ACACA: variants seen among roughly 807,000 people sequenced by gnomAD.
The protein encoded by ACACA is acetyl-CoA carboxylase alpha.
In ACACA, 103 loss-of-function variants were observed where a neutral mutation model predicts 296.1. The observed-to-expected ratio is 0.35, with a 90% CI of 0.30 to 0.41. ACACA has a LOEUF of 0.41. ACACA is among the 10% of genes least tolerant of loss of function. The pLI, the probability that ACACA is intolerant of heterozygous loss-of-function variation, is 1.00. For synonymous variants in ACACA, 953 were observed against 1,038.6 expected, an observed-to-expected ratio of 0.92 and a Z score of 1.58; for missense variants, 1,554 against 2,989.7, an observed-to-expected ratio of 0.52 and a Z score of 11.20.
chr17:37,389,359 G>A (rs1464606236), intron 1 of ACACA: 7 of 1,577,714 alleles, frequency 4.4e-6, no homozygotes, highest in Non-Finnish European at 5.2e-6. Context: ...CTCAGCCCCA[G>A]AAGGAAAGTG....
intron 1 of ACACA, chr17:37,379,104 C>T (rs370893365): frequency 6.3e-7 from 1 of 1,588,112 alleles, no homozygotes; most frequent in South Asian, 1.1e-5. Flanking sequence ...ACAAAACCAG[C>T]TCCATTTTTC....
At chr17:37,252,843 A>G (rs975550345) in intron 15 of ACACA, 43 bp downstream of exon 15, 7 of 1,611,760 alleles carry the variant, frequency 4.3e-6, no homozygotes, top group Admixed American at 3.3e-5. Context: ...ACACAAGTCT[A>G]TAAAAACCCA....
At chr17:37,265,613 T>C (rs544520912) in intron 10 of ACACA, among the ~76,000 whole-genome samples, 1 of 152,126 alleles carries the variant, frequency 6.6e-6, no homozygotes, top group Non-Finnish European at 1.5e-5. Context: ...GAGGAGGAAA[T>C]AGGAGGTACA....
intron 39 of ACACA, among the ~76,000 whole-genome samples, chr17:37,187,009 T>C (rs146380667): frequency 1.3e-5 from 2 of 152,346 alleles, no homozygotes; most frequent in South Asian, 2.1e-4. Flanking sequence ...CTTGAAGCTA[T>C]TGTAGAAGTT....
At chr17:37,325,579 C>CTTTTTT (rs1156553256) in intron 3 of ACACA, among the ~76,000 whole-genome samples, 806 of 67,954 alleles carry the variant, frequency 0.012, 35 homozygotes, top group African/African-American at 0.023. Context: ...TCTTTTCTTT[C>CTTTTTT]TTTTTTTTTT....
At chr17:37,118,151 T>C (rs1358641553) in intron 50 of ACACA, among the ~76,000 whole-genome samples, 2 of 152,192 alleles carry the variant, frequency 1.3e-5, no homozygotes, top group Non-Finnish European at 2.9e-5. Flanking sequence ...CCCTAAGTCT[T>C]ATTTGTCTTA....
At position 37,207,313 on chromosome 17, in the gene ACACA, G is replaced by A. The variant is rs565287862; in HGVS notation, c.3851+344C>T. Among the ~76,000 whole-genome samples, 8 of 152,262 alleles carry A rather than the reference G, an allele frequency of 5.3e-5. No individual in the cohort carries two copies. The South Asian group carries it at 1.7e-3, about 32-fold the overall frequency. Reference sequence around the variant, plus strand: ...AATGCATTTAATCAAAAGATGTATTGTCTCTTGTGGGGCTCACTCTAGTGT... The same window carrying A: ...AATGCATTTAATCAAAAGATGTATTATCTCTTGTGGGGCTCACTCTAGTGT... On this transcript the variant is annotated intron_variant, in intron 31 of 55. Transcript: ENST00000616317.
chr17:37,266,852 G>A (rs1023871127), intron 10 of ACACA, among the ~76,000 whole-genome samples: 1 of 152,138 alleles, frequency 6.6e-6, no homozygotes, highest in Non-Finnish European at 1.5e-5. Flanking sequence ...AGTTACCTCA[G>A]ATAACATTTT....
At chr17:37,388,795 G>A (rs1165006032) in intron 1 of ACACA, 4 of 1,613,084 alleles carry the variant, frequency 2.5e-6, no homozygotes, top group Non-Finnish European at 3.4e-6. Flanking sequence ...CCCATGTCCT[G>A]TAAGTTTGCT....
Position 37,222,640 on chromosome 17 carries a change from C to T in ACACA, c.3565-798G>A, listed in dbSNP as rs149544139. Among the ~76,000 whole-genome samples, 249 of 152,256 alleles carry T rather than the reference C, an allele frequency of 1.6e-3. 2 individuals carry two copies. Among genetic ancestry groups the T allele is most frequent in the African/African-American group, 5.8e-3 (239 of 41,554 alleles). ...CTTCTCATTAAATGACATAAAAACA[C>T]TACAAAACACTTAAATGTTTTAAAA... On this transcript the variant is annotated intron_variant, in intron 28 of 55. Transcript: ENST00000616317.
Position 37,268,549 on chromosome 17 carries a change from C to T in ACACA, c.1119+2202G>A, listed in dbSNP as rs56992861. On this transcript the variant is annotated intron_variant, in intron 10 of 55. Coordinates refer to ENST00000616317, the MANE Select transcript of ACACA (RefSeq NM_198834.3). ...TCTTTTAAGACTGTTGAAAACTTAT[C>T]AGCCTTTCTACTATCTTGAACTAGA... Among the ~76,000 whole-genome samples the T allele has an allele frequency of 9.5e-4, 145 of 152,168 alleles. 1 individual carries two copies. The highest frequency in any genetic ancestry group is 3.3e-3 in the African/African-American group (137 of 41,504).
chr17:37,160,478 G>GGAGA (rs1167792600), intron 42 of ACACA, among the ~76,000 whole-genome samples: 1 of 152,190 alleles, frequency 6.6e-6, no homozygotes, highest in Admixed American at 6.5e-5. Flanking sequence ...CTAAGAGTGG[G>GGAGA]GAGAGGGAAG....
At position 37,191,234 on chromosome 17, in the gene ACACA, T is replaced by C; in HGVS notation, c.4458A>G (p.Leu1486=). The C allele has an allele frequency of 6.2e-7, 1 of 1,613,970 alleles. No homozygotes were observed. Among genetic ancestry groups the C allele is most frequent in the Non-Finnish European group, 8.5e-7 (1 of 1,179,972 alleles). ...CCAACTCATCCATGGCTTCCAGGAG[T>C]AGCCGCTCCCCTTCATTTTGCAGAT... ...FEYLQNEGER[L]LLEAMDELEV... is the part of the protein sequence containing the mutation. Residue 1486 remains leucine, a synonymous_variant, in exon 38 of 56, where the codon CTA becomes CTG. Transcript: ENST00000616317.
In ACACA at chr17:37,406,309, A is replaced by T. The variant is rs753148332; in HGVS notation, c.-10T>A. 2 of 1,614,150 alleles carry T rather than the reference A, an allele frequency of 1.2e-6. No individual in the cohort carries two copies. Among genetic ancestry groups the T allele is most frequent in the South Asian group, 1.1e-5 (1 of 91,088 alleles). On this transcript the variant is annotated 5_prime_UTR_variant, in exon 1 of 56. The change abolishes an upstream ATG in the 5' untranslated region. Transcript: ENST00000616317. ...GAGTAGACCACCACATCCTCTCATC[A>T]TTGCGCCTCAATTTGGGCCTCTGAA... is the stretch of plus-strand genomic sequence containing the variant.
chr17:37,260,070 TG>T (rs1197942249), intron 11 of ACACA, among the ~76,000 whole-genome samples: 6 of 149,924 alleles, frequency 4.0e-5, no homozygotes, highest in Non-Finnish European at 8.9e-5. Context: ...TTGGTAGAGA[TG>T]GGGTTTCCCC....
At chr17:37,116,818 A>G (rs2064580153) in intron 50 of ACACA, among the ~76,000 whole-genome samples, 1 of 152,230 alleles carries the variant, frequency 6.6e-6, no homozygotes, top group Non-Finnish European at 1.5e-5. Flanking sequence ...ACAGAGCAAA[A>G]GCACAGCCAA....
intron 50 of ACACA, among the ~76,000 whole-genome samples, chr17:37,119,385 G>A (rs935896109): frequency 7.9e-5 from 12 of 152,052 alleles, no homozygotes; most frequent in African/African-American, 2.4e-4. Flanking sequence ...CAATAAAAAT[G>A]TGTAGGATTG....
At position 37,325,579 on chromosome 17, in the gene ACACA, C is replaced by CTTTTTTTTTT. The variant is rs1156553256; in HGVS notation, c.338+4584_338+4593dup. On this transcript the variant is annotated intron_variant, in intron 3 of 55. Transcript: ENST00000616317. ...CTTAGGGTCTTATTTTCTTTTCTTTCTTTTTTTTTTTTTTTTTTTTTTTTT... is the reference window on the plus strand; with the variant it reads ...CTTAGGGTCTTATTTTCTTTTCTTTCTTTTTTTTTTTTTTTTTTTTTTTTTTTTTTTTTTT... Among the ~76,000 whole-genome samples, 572 of 67,948 alleles carry CTTTTTTTTTT rather than the reference C, an allele frequency of 8.4e-3. 9 individuals are homozygous for CTTTTTTTTTT. The highest frequency in any genetic ancestry group is 0.015 in the African/African-American group (222 of 14,458). The allele number at this position is 67,948 out of a possible 152,430, so 44.6% of individuals were successfully genotyped here. A position where few individuals can be genotyped will look rare whatever the true frequency, so the allele number is the denominator to read the frequency against.
Position 37,087,220 on chromosome 17 carries a change from G to T in ACACA, c.*96C>A. The T allele has an allele frequency of 6.4e-7, 1 of 1,551,016 alleles. No individual in the cohort carries two copies. Among genetic ancestry groups the T allele is most frequent in the Non-Finnish European group, 8.9e-7 (1 of 1,126,074 alleles). ...AAATGCCATTTGACTCCAGTGCTGGGTCTCCTGTGCCTTCTCATTACAGTG... is the reference window on the plus strand; with the variant it reads ...AAATGCCATTTGACTCCAGTGCTGGTTCTCCTGTGCCTTCTCATTACAGTG... On this transcript the variant is annotated 3_prime_UTR_variant, in exon 56 of 56. Coordinates refer to ENST00000616317, the MANE Select transcript of ACACA (RefSeq NM_198834.3).
Sources: allele counts gnomAD v4.1 joint callset (sites outside exome capture counted in the v4.1 genomes callset), GRCh38; gene constraint gnomAD v4.1.1; transcripts MANE v1.5; gene names NCBI Gene and HGNC (gene_info 2026-07-23, HGNC 2026-07-21).